The following RPS6KC1 variants were observed in gnomAD, a reference collection of about 807,000 sequenced individuals.
The protein encoded by RPS6KC1 is inactive ribosomal protein S6 kinase delta-1.
Under a neutral mutation model 103.8 loss-of-function variants are expected in RPS6KC1, and 54 were observed. That is an observed-to-expected ratio of 0.52 (90% CI 0.42 to 0.65). The LOEUF (loss-of-function observed/expected upper bound fraction) is 0.65. Ranked by LOEUF, RPS6KC1 falls within the 30% of genes least tolerant of loss-of-function variation. RPS6KC1 has a pLI of 0.00. For missense variants in RPS6KC1, 1,151 were observed against 1,253.8 expected (o/e 0.92, Z 1.24); for synonymous variants, 439 against 438.7 (o/e 1.00, Z -0.01).
intron 8 of RPS6KC1, among the ~76,000 whole-genome samples, chr1:213,215,467 C>T (rs1024500257): frequency 9.2e-5 from 14 of 152,166 alleles, no homozygotes; most frequent in African/African-American, 3.1e-4. Context: ...GAATATTATC[C>T]AGGAGAACTT....
chr1:213,464,541 A>T, the RPS6KC1 span, among the ~76,000 whole-genome samples: 1 of 152,072 alleles, frequency 6.6e-6, no homozygotes, highest in East Asian at 1.9e-4. Flanking sequence ...CAGTGCTTTT[A>T]AAAAAATATA....
the RPS6KC1 span, among the ~76,000 whole-genome samples, chr1:213,685,629 C>CA: frequency 0.14 from 13,185 of 95,486 alleles, 801 homozygotes; most frequent in African/African-American, 0.23. Context: ...GACTCCATTT[C>CA]AAAAAAAAAA....
At chr1:213,576,434 GCAC>G in the RPS6KC1 span, among the ~76,000 whole-genome samples, 60 of 149,050 alleles carry the variant, frequency 4.0e-4, no homozygotes, top group South Asian at 6.6e-3. Flanking sequence ...AAGTCTATTG[GCAC>G]CATTTTTCCA....
chr1:213,486,708 C>A, the RPS6KC1 span, among the ~76,000 whole-genome samples: 12 of 152,318 alleles, frequency 7.9e-5, no homozygotes, highest in Admixed American at 5.9e-4. Flanking sequence ...CCATAGACTC[C>A]TTTCTTCCTG....
chr1:213,603,998 G>A, the RPS6KC1 span, among the ~76,000 whole-genome samples: 2 of 152,058 alleles, frequency 1.3e-5, no homozygotes, highest in African/African-American at 2.4e-5. Context: ...TATGACTTTG[G>A]TCTGTACTGG....
the RPS6KC1 span, among the ~76,000 whole-genome samples, chr1:213,582,088 CT>C: frequency 0.17 from 23,636 of 139,066 alleles, 1,773 homozygotes; most frequent in Non-Finnish European, 0.18. Context: ...GATCAGGGAC[CT>C]TTTTTTTTTT....
At chr1:213,267,368 A>C (rs1173462287) in intron 14 of RPS6KC1, among the ~76,000 whole-genome samples, 1 of 152,022 alleles carries the variant, frequency 6.6e-6, no homozygotes, top group Non-Finnish European at 1.5e-5. Context: ...GCAGCTTTAC[A>C]GATCTAACTG....
the RPS6KC1 span, among the ~76,000 whole-genome samples, chr1:213,843,885 C>T: frequency 4.6e-5 from 7 of 150,574 alleles, no homozygotes; most frequent in African/African-American, 1.5e-4. Flanking sequence ...TTTATGGCTT[C>T]TTGGTGTAAG....
chr1:213,624,087 C>G, the RPS6KC1 span, among the ~76,000 whole-genome samples: 1 of 152,144 alleles, frequency 6.6e-6, no homozygotes, highest in Non-Finnish European at 1.5e-5. Context: ...GAACAAAAAC[C>G]GCAGGGCAGA....
At chr1:213,157,570 T>C (rs772346851) in intron 6 of RPS6KC1, among the ~76,000 whole-genome samples, 11 of 152,234 alleles carry the variant, frequency 7.2e-5, no homozygotes, top group Non-Finnish European at 1.3e-4. Flanking sequence ...ATTTAAATTA[T>C]TTTACATTTA....
the RPS6KC1 span, among the ~76,000 whole-genome samples, chr1:213,754,688 G>A: frequency 2.6e-5 from 4 of 152,110 alleles, no homozygotes; most frequent in East Asian, 1.9e-4. Flanking sequence ...CTCTACAGTC[G>A]GTGGAACCAT....
chr1:213,363,692 TTC>T, the RPS6KC1 span, among the ~76,000 whole-genome samples: 1 of 88,670 alleles, frequency 1.1e-5, no homozygotes, highest in Admixed American at 1.0e-4. Flanking sequence ...CTTTCTTTCT[TTC>T]TTTCTTTCCT....
intron 4 of RPS6KC1, among the ~76,000 whole-genome samples, chr1:213,113,192 G>A (rs2148852028): frequency 6.6e-6 from 1 of 151,700 alleles, no homozygotes; most frequent in African/African-American, 2.4e-5. Context: ...GTGTAAAAGT[G>A]TTCCTATTTC....
At chr1:213,265,048 T>C (rs1302780444) in intron 14 of RPS6KC1, among the ~76,000 whole-genome samples, 1 of 152,188 alleles carries the variant, frequency 6.6e-6, no homozygotes. Context: ...TAAGAAATTA[T>C]GTGAGGAAAA....
At chr1:213,505,966 C>G in the RPS6KC1 span, among the ~76,000 whole-genome samples, 1 of 152,132 alleles carries the variant, frequency 6.6e-6, no homozygotes, top group Non-Finnish European at 1.5e-5. Context: ...TTGTGTCAGG[C>G]CATCCTGTAG....
intron 10 of RPS6KC1, among the ~76,000 whole-genome samples, chr1:213,240,336 A>T (rs200726688): frequency 1.3e-5 from 2 of 152,290 alleles, no homozygotes; most frequent in East Asian, 3.9e-4. Flanking sequence ...TGAAAAAATT[A>T]TTATATAAAC....
At chr1:213,572,862 G>C in the RPS6KC1 span, among the ~76,000 whole-genome samples, 1 of 152,138 alleles carries the variant, frequency 6.6e-6, no homozygotes, top group South Asian at 2.1e-4. Context: ...ATTTTCCTAA[G>C]AGCCCCCATC....
At chr1:213,551,501 TC>T in the RPS6KC1 span, among the ~76,000 whole-genome samples, 331 of 152,262 alleles carry the variant, frequency 2.2e-3, 3 homozygotes, top group African/African-American at 7.7e-3. Flanking sequence ...ATCTGGGACT[TC>T]CTGTGTTCTA....
chr1:213,767,388 C>A, the RPS6KC1 span, among the ~76,000 whole-genome samples: 1 of 152,034 alleles, frequency 6.6e-6, no homozygotes, highest in Non-Finnish European at 1.5e-5. Context: ...ATATATATAG[C>A]CACATTTCCT....
Sources: allele counts gnomAD v4.1 joint callset (sites outside exome capture counted in the v4.1 genomes callset), GRCh38; gene constraint gnomAD v4.1.1; transcripts MANE v1.5; gene names NCBI Gene and HGNC (gene_info 2026-07-23, HGNC 2026-07-21).